The following ANKRD17 variants were observed in gnomAD, a reference collection of about 807,000 sequenced individuals.
ANKRD17 encodes ankyrin repeat domain 17, also known as ankyrin repeat domain-containing protein 17.
ANKRD17 carries 19 observed loss-of-function variants against 229.7 expected under a neutral mutation model. The ratio of observed to expected loss-of-function variants is 0.08; its 90% CI spans 0.06 to 0.12. The LOEUF is 0.12. Ranked by LOEUF, ANKRD17 falls within the 10% of genes least tolerant of loss-of-function variation. The pLI, the probability that ANKRD17 is intolerant of heterozygous loss-of-function variation, is 1.00. For synonymous variants in ANKRD17, 1,112 were observed against 1,146.1 expected (o/e 0.97, Z 0.60); for missense variants, 2,176 against 3,176.8 (o/e 0.68, Z 7.57).
rs574917478 is a variant in ANKRD17, at chr4:73,175,668, T to C, written c.547+1712A>G. 5.3e-5 allele frequency among the ~76,000 whole-genome samples: 8 copies of C among 152,288 alleles called. No individual in the cohort carries two copies. In the South Asian group the frequency reaches 1.7e-3, roughly 32 times the overall value. The stretch of plus-strand genomic sequence containing the variant: ...ATAAATCCATACATCTACAGCCAAC[T>C]CATTTTTGACAAAGTTGCCAAGAAC... On this transcript the variant is annotated intron_variant, in intron 2 of 33. Coordinates refer to ENST00000358602, the MANE Select transcript of ANKRD17 (RefSeq NM_032217.5).
rs1739311481 is a variant in ANKRD17, at chr4:73,205,405, A to G, written c.394-27872T>C. 2.0e-5 allele frequency among the ~76,000 whole-genome samples: 3 copies of G among 152,306 alleles called. No homozygotes were observed. The South Asian group carries it at 6.2e-4, about 32-fold the overall frequency. ...GACACTAGCAAAAAAACACAGACCA[A>G]TGGAACAGAATAAAGAACCCAGAAA... On this transcript the variant is annotated intron_variant, in intron 1 of 33. Transcript: ENST00000358602.
At chr4:73,170,765 C>T (rs539814395) in intron 2 of ANKRD17, among the ~76,000 whole-genome samples, 14 of 152,194 alleles carry the variant, frequency 9.2e-5, no homozygotes, top group South Asian at 2.1e-4. Flanking sequence ...CTGGTGGTGA[C>T]GGCCATGGGC....
At chr4:73,145,734 T>TAAGCACACAAC (rs1730184174) in intron 10 of ANKRD17, among the ~76,000 whole-genome samples, 1 of 152,164 alleles carries the variant, frequency 6.6e-6, no homozygotes, top group Non-Finnish European at 1.5e-5. Context: ...GAAGCACTTA[T>TAAGCACACAAC]TATATACGTT....
intron 16 of ANKRD17, among the ~76,000 whole-genome samples, chr4:73,133,557 A>AT (rs1351254593): frequency 4.0e-5 from 6 of 151,006 alleles, no homozygotes; most frequent in East Asian, 4.0e-4. Context: ...TGCCCAGCTA[A>AT]TTTTTTTTGT....
At chr4:73,241,798 T>TAAACC (rs1370565477) in intron 1 of ANKRD17, among the ~76,000 whole-genome samples, 2 of 152,062 alleles carry the variant, frequency 1.3e-5, no homozygotes, top group Non-Finnish European at 2.9e-5. Flanking sequence ...TTAATGAAAC[T>TAAACC]AAACCAACAG....
In ANKRD17 at chr4:73,091,170, G is replaced by C; in HGVS notation, c.6458C>G (p.Ala2153Gly). The change falls in exon 29 of 34, where the codon GCC (alanine) becomes GGC (glycine). Residue 2153 changes from alanine to glycine, a missense_variant. Physicochemically the swap from Ala to Gly is moderately conservative, Grantham distance 60. This residue lies in a region of ANKRD17 where 424 missense variants were observed against 454.0 expected (regional missense o/e 0.93). Coordinates refer to ENST00000358602, the MANE Select transcript of ANKRD17 (RefSeq NM_032217.5). ...SSAPVAVPST[A>G]PVTYPMPQTP... is the part of the protein sequence containing the mutation. Reference sequence around the variant, plus strand: ...CTGAGGCATAGGGTAAGTCACTGGGGCAGTAGAAGGCACCGCCACTGGAGC... The same window carrying C: ...CTGAGGCATAGGGTAAGTCACTGGGCCAGTAGAAGGCACCGCCACTGGAGC... The C allele has an allele frequency of 6.2e-7, 1 of 1,614,164 alleles. No individual in the cohort carries two copies. Among genetic ancestry groups the C allele is most frequent in the Non-Finnish European group, 8.5e-7 (1 of 1,180,036 alleles).
intron 1 of ANKRD17, 59 bp from the exon 2 acceptor site, chr4:73,177,592 G>T: frequency 7.4e-7 from 1 of 1,342,320 alleles, no homozygotes; most frequent in Non-Finnish European, 1.0e-6. Context: ...AAGGAAAAGA[G>T]GGGAGAGAAA....
chr4:73,190,446 C>T (rs1358899846), intron 1 of ANKRD17, among the ~76,000 whole-genome samples: 2 of 150,586 alleles, frequency 1.3e-5, no homozygotes, highest in Non-Finnish European at 3.0e-5. Flanking sequence ...AGAAGCATCC[C>T]ATTTAAATCG....
chr4:73,124,051 C>G (rs955966397), intron 18 of ANKRD17, among the ~76,000 whole-genome samples: 6 of 151,736 alleles, frequency 4.0e-5, no homozygotes, highest in African/African-American at 1.5e-4. Flanking sequence ...AAACCTCTTT[C>G]TATTTGTTTA....
At chr4:73,179,414 ATG>A (rs1479209015) in intron 1 of ANKRD17, among the ~76,000 whole-genome samples, 2 of 143,402 alleles carry the variant, frequency 1.4e-5, no homozygotes, top group African/African-American at 2.5e-5. Context: ...TTATATATAT[ATG>A]TGTGTGCATA....
chr4:73,158,188 G>GAAAGAAAGAAAGAAAGAA (rs779505092), intron 3 of ANKRD17, among the ~76,000 whole-genome samples: 56 of 43,460 alleles, frequency 1.3e-3, no homozygotes, highest in African/African-American at 3.0e-3. Flanking sequence ...AAGAAAGAAA[G>GAAAGAAAGAAAGAAAGAA]AGAGAGAAAG....
At chr4:73,217,988 T>G (rs1339264994) in intron 1 of ANKRD17, among the ~76,000 whole-genome samples, 1 of 152,120 alleles carries the variant, frequency 6.6e-6, no homozygotes, top group Non-Finnish European at 1.5e-5. Flanking sequence ...TGAGTATGTG[T>G]GTGTATGTTT....
At chr4:73,208,817 G>T (rs1277164866) in intron 1 of ANKRD17, among the ~76,000 whole-genome samples, 1 of 152,090 alleles carries the variant, frequency 6.6e-6, no homozygotes, top group East Asian at 1.9e-4. Context: ...AAAGAAGAAA[G>T]ATTACAAATA....
At chr4:73,106,600 G>A (rs1471414248) in intron 24 of ANKRD17, among the ~76,000 whole-genome samples, 1 of 152,140 alleles carries the variant, frequency 6.6e-6, no homozygotes, top group African/African-American at 2.4e-5. Flanking sequence ...AAATACGCGG[G>A]CTGGGCACGG....
At chr4:73,181,589 A>C (rs1735551564) in intron 1 of ANKRD17, among the ~76,000 whole-genome samples, 1 of 152,132 alleles carries the variant, frequency 6.6e-6, no homozygotes, top group Admixed American at 6.5e-5. Flanking sequence ...TCTCTGCCAT[A>C]CCACATCCCC....
At position 73,085,328 on chromosome 4, in the gene ANKRD17, T is replaced by C. The variant is rs781094933; in HGVS notation, c.7080A>G (p.Gly2360=). 5 of 1,614,104 alleles carry C rather than the reference T, an allele frequency of 3.1e-6. No homozygotes were observed. In the Admixed American group the frequency reaches 8.3e-5, roughly 27 times the overall value. ...QMYGPGAPLG[G]APAAANFNRQ... is the part of the protein sequence containing the mutation. Reference sequence around the variant, plus strand: ...TGTTAAAGTTAGCAGCTGCGGGTGCTCCTCCAAGGGGTGCCCCAGGTCCGT... The same window carrying C: ...TGTTAAAGTTAGCAGCTGCGGGTGCCCCTCCAAGGGGTGCCCCAGGTCCGT... Residue 2360 remains glycine, a synonymous_variant, in exon 30 of 34, where the codon GGA becomes GGG. Coordinates refer to ENST00000358602, the MANE Select transcript of ANKRD17 (RefSeq NM_032217.5).
chr4:73,145,313 G>A (rs1242802573), intron 10 of ANKRD17, among the ~76,000 whole-genome samples: 1 of 151,976 alleles, frequency 6.6e-6, no homozygotes, highest in Non-Finnish European at 1.5e-5. Context: ...TCTCTTTACA[G>A]ACTTCCTATT....
intron 1 of ANKRD17, among the ~76,000 whole-genome samples, chr4:73,225,465 C>G (rs1273943592): frequency 6.6e-6 from 1 of 152,112 alleles, no homozygotes; most frequent in Non-Finnish European, 1.5e-5. Context: ...TTTAACAATA[C>G]ATATGTGATT....
intron 24 of ANKRD17, 128 bp from the exon 25 acceptor site, chr4:73,102,675 T>G (rs1724153163): frequency 9.3e-7 from 1 of 1,078,642 alleles, no homozygotes. Flanking sequence ...TTCAATTCAT[T>G]GTTTTATCAA....
Sources: gnomAD v4.1 joint callset for allele counts (sites outside exome capture counted in the v4.1 genomes callset) on GRCh38, gnomAD v4.1.1 for gene constraint, gnomAD v4.1.1 regional missense constraint, MANE v1.5 for transcripts, NCBI Gene and HGNC (gene_info 2026-07-23, HGNC 2026-07-21) for gene names.